CIB1: variants seen among roughly 807,000 people sequenced by gnomAD.
CIB1 encodes the protein calcium and integrin-binding protein 1.
CIB1 carries 19 observed loss-of-function variants against 25.0 expected under a neutral mutation model. The observed-to-expected ratio is 0.76, with a 90% CI of 0.53 to 1.12. The LOEUF (loss-of-function observed/expected upper bound fraction) is 1.12, where lower values mean the gene tolerates loss of function less well. Among genes scored for constraint, CIB1 ranks in the 50% most tolerant of loss-of-function variants. CIB1 has a pLI of 0.00. For missense variants in CIB1, 236 were observed against 242.6 expected, an observed-to-expected ratio of 0.97 and a Z score of 0.18; for synonymous variants, 104 against 98.5, an observed-to-expected ratio of 1.06 and a Z score of -0.33.
the CIB1 span, among the ~76,000 whole-genome samples, chr15:90,249,135 C>T: frequency 1.4e-5 from 2 of 147,190 alleles, no homozygotes; most frequent in African/African-American, 5.1e-5. Flanking sequence ...TGCTTGAGCC[C>T]AGGAGGTCCA....
At chr15:90,258,163 A>G in the CIB1 span, 19 of 1,614,046 alleles carry the variant, frequency 1.2e-5, no homozygotes, top group Non-Finnish European at 1.6e-5. Context: ...CGCCACAACT[A>G]CCGAACCTGT....
the CIB1 span, chr15:90,263,244 T>C: frequency 3.5e-6 from 4 of 1,129,158 alleles, no homozygotes; most frequent in Admixed American, 1.1e-4. Context: ...TGTGATGGTA[T>C]CTGTCAGTGG....
chr15:90,264,993 TC>T, the CIB1 span: 3 of 1,520,286 alleles, frequency 2.0e-6, no homozygotes, highest in Non-Finnish European at 2.6e-6. Flanking sequence ...ACTCTACCTC[TC>T]CTGGATAACC....
upstream of CIB1, among the ~76,000 whole-genome samples, chr15:90,235,297 G>C (rs1261237200): frequency 6.6e-6 from 1 of 152,174 alleles, no homozygotes; most frequent in Admixed American, 6.5e-5. Flanking sequence ...CAGGCGCGGT[G>C]GCTCATGCCT....
upstream of CIB1, chr15:90,238,466 T>G (rs942841339): frequency 6.6e-6 from 1 of 152,262 alleles, no homozygotes; most frequent in Non-Finnish European, 1.5e-5. Context: ...TATGTTTTGT[T>G]TCCTTTCTGT....
the CIB1 span, chr15:90,263,271 G>A: frequency 1.2e-6 from 1 of 869,040 alleles, no homozygotes; most frequent in South Asian, 1.8e-5. Context: ...GGAAAGCAGA[G>A]TGCGCTAGCT....
chr15:90,247,079 A>C, the CIB1 span, among the ~76,000 whole-genome samples: 4 of 151,434 alleles, frequency 2.6e-5, no homozygotes, highest in African/African-American at 7.3e-5. Flanking sequence ...GGATTCAAGC[A>C]ATTCTCCTGC....
At chr15:90,242,246 C>G in the CIB1 span, 1 of 319,800 alleles carries the variant, frequency 3.1e-6, no homozygotes, top group East Asian at 5.1e-5. Flanking sequence ...CACCACCACA[C>G]ACCTGGCTTT....
chr15:90,258,719 G>A, the CIB1 span: 3 of 1,603,346 alleles, frequency 1.9e-6, no homozygotes, highest in Admixed American at 5.0e-5. Flanking sequence ...TGGGAAAGGG[G>A]TGTATAATGA....
At chr15:90,237,883 C>T (rs1362119760), upstream of CIB1, among the ~76,000 whole-genome samples, 3 of 152,072 alleles carry the variant, frequency 2.0e-5, no homozygotes, top group Non-Finnish European at 4.4e-5. Flanking sequence ...GTCTGGGAGG[C>T]AGACATTGCA....
chr15:90,234,536 A>T (rs765756591), upstream of CIB1: 2 of 152,130 alleles, frequency 1.3e-5, no homozygotes, highest in Non-Finnish European at 2.9e-5. Flanking sequence ...TTTACTGAGG[A>T]CCCACTGGAT....
the CIB1 span, among the ~76,000 whole-genome samples, chr15:90,260,986 C>T: frequency 6.6e-6 from 1 of 152,020 alleles, no homozygotes; most frequent in Non-Finnish European, 1.5e-5. Flanking sequence ...TCATAATCAA[C>T]ATGCTAATTG....
At chr15:90,254,719 T>C in the CIB1 span, among the ~76,000 whole-genome samples, 2 of 151,418 alleles carry the variant, frequency 1.3e-5, no homozygotes, top group East Asian at 3.9e-4. Flanking sequence ...TAGTGGTGCA[T>C]GCTTTAGTCC....
the CIB1 span, among the ~76,000 whole-genome samples, chr15:90,256,589 C>CT: frequency 2.9e-5 from 1 of 34,870 alleles, no homozygotes; most frequent in Non-Finnish European, 5.6e-5. Flanking sequence ...TTCTTTCTTT[C>CT]TTTCTTTCTT....
the CIB1 span, chr15:90,263,398 C>G: frequency 2.0e-6 from 1 of 487,914 alleles, no homozygotes. Context: ...GAAACTTGCT[C>G]TCTATATTCC....
the CIB1 span, chr15:90,251,462 G>A: frequency 7.6e-6 from 10 of 1,309,444 alleles, no homozygotes; most frequent in South Asian, 7.1e-5. Flanking sequence ...TAGAGAAAAG[G>A]AATTGTGTTG....
the CIB1 span, chr15:90,253,519 G>C: frequency 3.9e-6 from 2 of 513,718 alleles, no homozygotes; most frequent in Non-Finnish European, 6.9e-6. Flanking sequence ...TTTTCCAATG[G>C]AAAGATCTCC....
chr15:90,258,852 G>A, the CIB1 span: 1 of 1,614,068 alleles, frequency 6.2e-7, no homozygotes, highest in African/African-American at 1.3e-5. Flanking sequence ...TGTGACAAAA[G>A]GAAGGTGATG....
Position 90,230,291 on chromosome 15 carries a change from A to G in CIB1, c.*193T>C. ...TTATTACTGATTAGTACAAACACAA[A>G]CGGAGCAATGACAACAGCAGTGAGG... is the stretch of plus-strand genomic sequence containing the variant. On this transcript the variant is annotated 3_prime_UTR_variant, in exon 7 of 7. Coordinates refer to ENST00000328649, the MANE Select transcript of CIB1 (RefSeq NM_006384.4). 1 of 630,140 alleles carries G rather than the reference A, an allele frequency of 1.6e-6. No homozygotes were observed. Among genetic ancestry groups the G allele is most frequent in the Non-Finnish European group, 2.9e-6 (1 of 350,352 alleles). The allele number at this position is 630,140 out of a possible 1,614,324, so 39.0% of individuals were successfully genotyped here.
Sources: gnomAD v4.1 joint callset for allele counts (sites outside exome capture counted in the v4.1 genomes callset) on GRCh38, gnomAD v4.1.1 for gene constraint, MANE v1.5 for transcripts, NCBI Gene and HGNC (gene_info 2026-07-23, HGNC 2026-07-21) for gene names.